The following ITGAM variants were observed in gnomAD, a reference collection of about 807,000 sequenced individuals.
ITGAM encodes the protein integrin alpha-M.
A neutral mutation model predicts 137.5 loss-of-function variants in ITGAM; 79 were observed. The observed-to-expected ratio is 0.57, with a 90% CI of 0.48 to 0.69. The LOEUF (loss-of-function observed/expected upper bound fraction) is 0.69, where lower values mean the gene tolerates loss of function less well. Ranked by LOEUF, ITGAM falls within the 30% of genes least tolerant of loss-of-function variation. The pLI is 0.00. For missense variants in ITGAM, 1,343 were observed against 1,483.5 expected (o/e 0.91, Z 1.56); for synonymous variants, 583 against 592.3 (o/e 0.98, Z 0.23).
intron 22 of ITGAM, among the ~76,000 whole-genome samples, chr16:31,327,619 T>TAATAAA (rs1469921279): frequency 0.031 from 4,689 of 149,274 alleles, 253 homozygotes; most frequent in African/African-American, 0.11. Flanking sequence ...ATAATAATAA[T>TAATAAA]AAAAAATAAA....
chr16:31,294,823 C>A (rs2144370623), intron 12 of ITGAM, among the ~76,000 whole-genome samples: 1 of 152,106 alleles, frequency 6.6e-6, no homozygotes, highest in African/African-American at 2.4e-5. Context: ...GAAGCTTTTC[C>A]CTTTGTTTTC....
intron 14 of ITGAM, among the ~76,000 whole-genome samples, chr16:31,301,630 G>GA (rs2080198547): frequency 6.6e-6 from 1 of 152,192 alleles, no homozygotes; most frequent in African/African-American, 2.4e-5. Flanking sequence ...AAAAGTATTT[G>GA]AAGTTGATCA....
chr16:31,280,238 A>G (rs1364833288), intron 12 of ITGAM, among the ~76,000 whole-genome samples: 1 of 152,208 alleles, frequency 6.6e-6, no homozygotes, highest in Non-Finnish European at 1.5e-5. Context: ...TTGGTTCCAC[A>G]TGAACTTTAA....
chr16:31,322,336 A>C (rs2080459223), intron 16 of ITGAM, among the ~76,000 whole-genome samples: 1 of 152,148 alleles, frequency 6.6e-6, no homozygotes, highest in Non-Finnish European at 1.5e-5. Context: ...TGCTGAGGAG[A>C]TAGCATTCCA....
chr16:31,297,412 G>C (rs923149425), intron 12 of ITGAM, 102 bp from the exon 13 acceptor site: 13 of 1,460,478 alleles, frequency 8.9e-6, no homozygotes, highest in African/African-American at 1.4e-5. Flanking sequence ...ATCTGCTCCA[G>C]AGGGATTCCC....
At chr16:31,285,010 C>T (rs1387956218) in intron 12 of ITGAM, among the ~76,000 whole-genome samples, 6 of 152,128 alleles carry the variant, frequency 3.9e-5, no homozygotes, top group Admixed American at 3.9e-4. Context: ...TACAGCAAGA[C>T]TCACGTCTCC....
intron 14 of ITGAM, among the ~76,000 whole-genome samples, chr16:31,305,445 A>G (rs2080255363): frequency 6.6e-6 from 1 of 151,984 alleles, no homozygotes; most frequent in African/African-American, 2.4e-5. Flanking sequence ...GGACCCCTTT[A>G]TTTCTTTCTC....
chr16:31,272,741 C>G (rs1295387414), intron 7 of ITGAM, among the ~76,000 whole-genome samples: 2 of 151,048 alleles, frequency 1.3e-5, no homozygotes, highest in Admixed American at 1.3e-4. Context: ...GACTTGGCTT[C>G]CCATAGTGCT....
At chr16:31,262,226 C>T (rs1388982774) in intron 2 of ITGAM, among the ~76,000 whole-genome samples, 1 of 152,006 alleles carries the variant, frequency 6.6e-6, no homozygotes, top group East Asian at 1.9e-4. Context: ...GTTTATTGCC[C>T]TTCCCTCCCT....
chr16:31,312,847 G>A (rs904918183), intron 14 of ITGAM, among the ~76,000 whole-genome samples: 4 of 149,662 alleles, frequency 2.7e-5, no homozygotes, highest in African/African-American at 4.9e-5. Flanking sequence ...AGGCTGGTCC[G>A]TCCTCCTGTG....
At chr16:31,321,669 G>C (rs763789550) in intron 16 of ITGAM, 42 bp downstream of exon 16, 3 of 1,588,566 alleles carry the variant, frequency 1.9e-6, no homozygotes, top group Non-Finnish European at 2.6e-6. Flanking sequence ...AAACGACCGA[G>C]GACATGAATG....
intron 23 of ITGAM, chr16:31,328,855 TGA>T (rs2080542291): frequency 1.6e-5 from 6 of 386,814 alleles, no homozygotes; most frequent in Non-Finnish European, 2.9e-5. Flanking sequence ...TGCATGTGTG[TGA>T]GGGTCTATGT....
chr16:31,322,480 T>G (rs1309600681), intron 16 of ITGAM, among the ~76,000 whole-genome samples: 1 of 152,138 alleles, frequency 6.6e-6, no homozygotes, highest in African/African-American at 2.4e-5. Flanking sequence ...CACGAATGCC[T>G]AGGTCAGTAC....
chr16:31,310,567 C>T (rs570171473), intron 14 of ITGAM, among the ~76,000 whole-genome samples: 163 of 152,128 alleles, frequency 1.1e-3, no homozygotes, highest in African/African-American at 3.5e-3. Flanking sequence ...AGGACTTCTC[C>T]GCATTGATTA....
chr16:31,320,739 C>T (rs1018178424), intron 14 of ITGAM, among the ~76,000 whole-genome samples: 4 of 152,202 alleles, frequency 2.6e-5, no homozygotes, highest in Non-Finnish European at 5.9e-5. Flanking sequence ...TTTTACCCCC[C>T]ATTCACGCCT....
intron 19 of ITGAM, 89 bp downstream of exon 19, chr16:31,325,120 T>A: frequency 6.8e-7 from 1 of 1,462,190 alleles, no homozygotes; most frequent in Non-Finnish European, 9.3e-7. Flanking sequence ...GGGAGCCGGG[T>A]GTTCCTGGGC....
intron 12 of ITGAM, among the ~76,000 whole-genome samples, chr16:31,281,017 T>C (rs1017070006): frequency 1.3e-5 from 2 of 152,114 alleles, no homozygotes; most frequent in African/African-American, 4.8e-5. Flanking sequence ...TGATGGATTA[T>C]GTTTATTGAT....
In ITGAM at chr16:31,328,148, G is replaced by C; in HGVS notation, c.2710G>C (p.Glu904Gln). The C allele has an allele frequency of 6.2e-7, 1 of 1,613,486 alleles. No homozygotes were observed. Among genetic ancestry groups the C allele is most frequent in the Non-Finnish European group, 8.5e-7 (1 of 1,179,438 alleles). The change falls in exon 23 of 30, where the codon GAG (glutamate) becomes CAG (glutamine). Residue 904 changes from glutamate (E) to glutamine (Q), a missense_variant and splice_region_variant. Coordinates refer to ENST00000544665, the MANE Select transcript of ITGAM (RefSeq NM_000632.4). ...CTGGAGCTCTTTCTTTCCCTCCAGT[G>C]AGAACAACATGCCCAGAACCAACAA... The part of the protein sequence containing the change: ...KLLLKANVTS[E>Q]NNMPRTNKTE...
chr16:31,283,004 C>A (rs2079986827), intron 12 of ITGAM, among the ~76,000 whole-genome samples: 1 of 152,018 alleles, frequency 6.6e-6, no homozygotes, highest in African/African-American at 2.4e-5. Context: ...ATATGAAGTT[C>A]TGGGTTGAAA....
Sources: gnomAD v4.1 joint callset for allele counts (sites outside exome capture counted in the v4.1 genomes callset) on GRCh38, gnomAD v4.1.1 for gene constraint, MANE v1.5 for transcripts, NCBI Gene and HGNC (gene_info 2026-07-23, HGNC 2026-07-21) for gene names.